The following GLIS2 variants were observed in gnomAD, a reference collection of about 807,000 sequenced individuals.
GLIS2 encodes the protein zinc finger protein GLIS2.
A neutral mutation model predicts 35.6 loss-of-function variants in GLIS2; 14 were observed. That is an observed-to-expected ratio of 0.39 (90% CI 0.26 to 0.61). The LOEUF (loss-of-function observed/expected upper bound fraction) is 0.61, where lower values mean the gene tolerates loss of function less well. GLIS2 is among the 20% of genes least tolerant of loss of function. GLIS2 has a pLI of 0.48. For missense variants in GLIS2, 675 were observed against 713.4 expected (o/e 0.95, Z 0.61); for synonymous variants, 368 against 325.1 (o/e 1.13, Z -1.42).
chr16:4,324,954 C>T (rs1357369285), intron 1 of GLIS2, among the ~76,000 whole-genome samples: 1 of 152,204 alleles, frequency 6.6e-6, no homozygotes, highest in Non-Finnish European at 1.5e-5. Context: ...GCCTGGGGCC[C>T]CCAGCAGGCC....
intron 1 of GLIS2, among the ~76,000 whole-genome samples, chr16:4,331,124 C>T (rs930749049): frequency 6.6e-6 from 1 of 152,004 alleles, no homozygotes; most frequent in Non-Finnish European, 1.5e-5. Flanking sequence ...CTACAGGCGC[C>T]CGCCACCACA....
chr16:4,329,808 T>C (rs1278763562), intron 1 of GLIS2, among the ~76,000 whole-genome samples: 3 of 152,212 alleles, frequency 2.0e-5, no homozygotes, highest in Non-Finnish European at 4.4e-5. Context: ...CACAGCGTGA[T>C]TGTGCGGCAG....
At position 4,322,355 on chromosome 16, in the gene GLIS2, G is replaced by A. The variant is rs1393752786; in HGVS notation, c.-67+6101G>A. Among the ~76,000 whole-genome samples, 6 of 152,296 alleles carry A rather than the reference G, an allele frequency of 3.9e-5. No homozygotes were observed. The East Asian group carries it at 1.2e-3, about 29-fold the overall frequency. On this transcript the variant is annotated intron_variant, in intron 1 of 6. Transcript: ENST00000433375. ...GGTAGGGTCACTGCAGATCAGCCGGGCCATAGCCTCTGGTCCTCTGTGGCA... is the reference window on the plus strand; with the variant it reads ...GGTAGGGTCACTGCAGATCAGCCGGACCATAGCCTCTGGTCCTCTGTGGCA...
chr16:4,324,953 C>G (rs2053415053), intron 1 of GLIS2, among the ~76,000 whole-genome samples: 1 of 152,192 alleles, frequency 6.6e-6, no homozygotes, highest in South Asian at 2.1e-4. Flanking sequence ...TGCCTGGGGC[C>G]CCCAGCAGGC....
chr16:4,319,939 G>A (rs2053359599), intron 1 of GLIS2, among the ~76,000 whole-genome samples: 1 of 152,104 alleles, frequency 6.6e-6, no homozygotes, highest in Non-Finnish European at 1.5e-5. Flanking sequence ...GGGCCTGGGG[G>A]GCATGGAGAT....
intron 1 of GLIS2, among the ~76,000 whole-genome samples, chr16:4,319,656 G>A (rs887540729): frequency 7.9e-5 from 12 of 152,188 alleles, no homozygotes; most frequent in South Asian, 2.1e-4. Context: ...GGCTGGGGGC[G>A]GGGACTCCGC....
At chr16:4,331,016 G>A (rs975040085) in intron 1 of GLIS2, among the ~76,000 whole-genome samples, 2 of 152,084 alleles carry the variant, frequency 1.3e-5, no homozygotes, top group Non-Finnish European at 2.9e-5. Flanking sequence ...TTGCTCTGTC[G>A]CCCAGGCTGG....
Position 4,338,043 on chromosome 16 carries a change from T to G in GLIS2, c.*519T>G. On this transcript the variant is annotated 3_prime_UTR_variant, in exon 7 of 7. Transcript: ENST00000433375. ...CCTTGGACCCCTTTCCCTCTGACCC[T>G]GCCTCCAGAGGGAAAGCAAGACAGA... 5.3e-6 allele frequency: 1 copy of G among 189,732 alleles called. No individual in the cohort carries two copies. The highest frequency in any genetic ancestry group is 1.1e-5 in the Non-Finnish European group (1 of 90,668). The allele number at this position is 189,732 out of a possible 1,614,324, so 11.8% of individuals were successfully genotyped here. A position where few individuals can be genotyped will look rare whatever the true frequency, so the allele number is the denominator to read the frequency against.
At chr16:4,336,153 GT>G in intron 6 of GLIS2, 1 of 200,320 alleles carries the variant, frequency 5.0e-6, no homozygotes, top group South Asian at 9.6e-5. Context: ...AGGCCATGGT[GT>G]CTTTTTTTTC....
rs567274700 is a variant in GLIS2, at chr16:4,330,157, A to G, written c.-66-2058A>G. On this transcript the variant is annotated intron_variant, in intron 1 of 6. Transcript: ENST00000433375. ...CTGGGTGTGATGGTGTACACCTGTAATCCCAGCTACTTGGGAGGCTGAGGC... is the reference window on the plus strand; with the variant it reads ...CTGGGTGTGATGGTGTACACCTGTAGTCCCAGCTACTTGGGAGGCTGAGGC... 3.3e-4 allele frequency among the ~76,000 whole-genome samples: 51 copies of G among 152,254 alleles called. No homozygotes were observed. In the Middle Eastern group the frequency reaches 0.01, roughly 30 times the overall value.
rs911974995 is a variant in GLIS2, at chr16:4,335,870, T to C, written c.775+477T>C. The C allele has an allele frequency of 5.3e-6, 1 of 189,436 alleles. No homozygotes were observed. Among genetic ancestry groups the C allele is most frequent in the Admixed American group, 5.3e-5 (1 of 18,802 alleles). 11.7% of individuals were successfully genotyped at this position (189,436 alleles called of 1,614,324 possible). On this transcript the variant is annotated intron_variant, in intron 6 of 6. Coordinates refer to ENST00000433375, the MANE Select transcript of GLIS2 (RefSeq NM_032575.3). This position sits in a 1 kb window ranked among gnomAD's most constrained non-coding sequence, Gnocchi z 4.6. ...CAATTCATTATTAAAGACAAATCAG[T>C]GAGATATTGAAGTTCTTCATTTCAT...
chr16:4,333,128 C>T (rs888288876), intron 2 of GLIS2, among the ~76,000 whole-genome samples: 3 of 152,196 alleles, frequency 2.0e-5, no homozygotes, highest in Non-Finnish European at 4.4e-5. Flanking sequence ...TTCCCCCCTC[C>T]CCGGCTCACG....
chr16:4,318,992 G>T (rs944004033), intron 1 of GLIS2, among the ~76,000 whole-genome samples: 1 of 152,118 alleles, frequency 6.6e-6, no homozygotes, highest in Non-Finnish European at 1.5e-5. Context: ...TCTTGGGGGG[G>T]CTCCTGGGGA....
intron 1 of GLIS2, among the ~76,000 whole-genome samples, chr16:4,321,348 G>A (rs969392995): frequency 2.6e-5 from 4 of 152,184 alleles, no homozygotes; most frequent in Non-Finnish European, 4.4e-5. Flanking sequence ...CCTTGACCTT[G>A]GGCAAGTCAC....
rs779719940 is a variant in GLIS2 at position 4,332,264 on chromosome 16, A to G, written c.-17A>G. The stretch of plus-strand genomic sequence containing the variant: ...AGCCCACTGCCTGCTGCCACCTCCA[A>G]CTCCGGCCCCCTCACCATGCACTCC... On this transcript the variant is annotated 5_prime_UTR_variant, in exon 2 of 7. Coordinates refer to ENST00000433375, the MANE Select transcript of GLIS2 (RefSeq NM_032575.3). This position sits in a 1 kb window ranked among gnomAD's most constrained non-coding sequence, Gnocchi z 5.4. 8 of 1,609,492 alleles carry G rather than the reference A, an allele frequency of 5.0e-6. No individual in the cohort carries two copies. Among genetic ancestry groups the G allele is most frequent in the African/African-American group, 2.7e-5 (2 of 74,630 alleles).
At chr16:4,319,842 A>G (rs1212101276) in intron 1 of GLIS2, among the ~76,000 whole-genome samples, 4 of 152,058 alleles carry the variant, frequency 2.6e-5, no homozygotes, top group Non-Finnish European at 5.9e-5. Flanking sequence ...GAGGCTGGGC[A>G]GGCACGGAGG....
chr16:4,335,885 C>T lies in GLIS2; in HGVS notation c.775+492C>T, dbSNP rs1173484334. ...GACAAATCAGTGAGATATTGAAGTT[C>T]TTCATTTCATGACAAAGCCTCAAGG... On this transcript the variant is annotated intron_variant, in intron 6 of 6. Coordinates refer to ENST00000433375, the MANE Select transcript of GLIS2 (RefSeq NM_032575.3). This position sits in a 1 kb window ranked among gnomAD's most constrained non-coding sequence, Gnocchi z 4.6. 5.3e-6 allele frequency: 1 copy of T among 189,242 alleles called. No individual in the cohort carries two copies. The highest frequency in any genetic ancestry group is 2.4e-5 in the African/African-American group (1 of 42,450). The allele number at this position is 189,242 out of a possible 1,614,324, so 11.7% of individuals were successfully genotyped here.
chr16:4,326,900 A>T (rs2053436849), intron 1 of GLIS2, among the ~76,000 whole-genome samples: 2 of 151,912 alleles, frequency 1.3e-5, no homozygotes, highest in African/African-American at 4.8e-5. Flanking sequence ...AGCTGGAATT[A>T]CAGACACCTG....
At chr16:4,317,514 C>G (rs2053326989) in intron 1 of GLIS2, among the ~76,000 whole-genome samples, 1 of 152,134 alleles carries the variant, frequency 6.6e-6, no homozygotes, top group Non-Finnish European at 1.5e-5. Context: ...TTGGGTCACC[C>G]CTCCCCAAGC....
Sources: allele counts gnomAD v4.1 joint callset (sites outside exome capture counted in the v4.1 genomes callset), GRCh38; gene constraint gnomAD v4.1.1; non-coding constraint Gnocchi (gnomAD v3.1); transcripts MANE v1.5; gene names NCBI Gene and HGNC (gene_info 2026-07-23, HGNC 2026-07-21).